TIGD7: variants seen among roughly 807,000 people sequenced by gnomAD.
TIGD7 encodes the protein tigger transposable element derived 7.
In TIGD7, 26 loss-of-function variants were observed where a neutral mutation model predicts 24.8. The ratio of observed to expected loss-of-function variants is 1.05; its 90% CI spans 0.77 to 1.45. TIGD7 has a LOEUF of 1.45. TIGD7 is among the 40% of genes most tolerant of loss of function. The pLI is 0.00. For missense variants in TIGD7, 679 were observed against 641.6 expected, an observed-to-expected ratio of 1.06 and a Z score of -0.63; for synonymous variants, 221 against 224.1, an observed-to-expected ratio of 0.99 and a Z score of 0.12.
Position 3,299,064 on chromosome 16 carries a change from C to G in TIGD7, c.1551G>C (p.Gln517His), listed in dbSNP as rs758127998. Residue 517 changes from glutamine to histidine, a missense_variant, in exon 2 of 2, where the codon CAG (glutamine) becomes CAC (histidine). Transcript: ENST00000396862. ...TACCAATTCTAGAATGGATTTTACT[C>G]TGGAACTGTTTCTTGACTATTTCTT... ...MQQEIVKKQF[Q>H]SKIHSRIGSF... 3.5e-6 allele frequency: 5 copies of G among 1,413,242 alleles called. No individual in the cohort carries two copies. Among genetic ancestry groups the G allele is most frequent in the Non-Finnish European group, 3.7e-6 (4 of 1,080,014 alleles). 87.5% of individuals were successfully genotyped at this position (1,413,242 alleles called of 1,614,324 possible). A position where few individuals can be genotyped will look rare whatever the true frequency, so the allele number is the denominator to read the frequency against.
rs1185785494 is a variant in TIGD7 at position 3,301,489 on chromosome 16, A to G, written c.-875T>C. Reference sequence around the variant, plus strand: ...GTCAGTGGCACTTTACCATTCTCAGATCTTCTTTCTTGGGAACATCTGATT... The same window carrying G: ...GTCAGTGGCACTTTACCATTCTCAGGTCTTCTTTCTTGGGAACATCTGATT... On this transcript the variant is annotated 5_prime_UTR_variant, in exon 2 of 2. Coordinates refer to ENST00000396862, the MANE Select transcript of TIGD7 (RefSeq NM_033208.4). The G allele has an allele frequency of 1.2e-5, 2 of 167,076 alleles. No homozygotes were observed. The highest frequency in any genetic ancestry group is 6.5e-5 in the Admixed American group (1 of 15,290). The allele number at this position is 167,076 out of a possible 1,614,324, so 10.3% of individuals were successfully genotyped here. A position where few individuals can be genotyped will look rare whatever the true frequency, so the allele number is the denominator to read the frequency against.
Position 3,299,353 on chromosome 16 carries a change from C to T in TIGD7, c.1262G>A (p.Arg421Lys). 2 of 1,590,886 alleles carry T rather than the reference C, an allele frequency of 1.3e-6. No individual in the cohort carries two copies. The highest frequency in any genetic ancestry group is 1.7e-6 in the Non-Finnish European group (2 of 1,170,336). ...CTCCCCACATTTTTCAAGAATTTCT[C>T]TATAATCCCCATGTTCTAAGCCTTG... ...DFQGLEHGDYREILEKCGELE... is the reference protein window; with the variant it reads ...DFQGLEHGDYKEILEKCGELE... The change falls in exon 2 of 2, where the codon AGA becomes AAA. Residue 421 changes from arginine to lysine, a missense_variant. Transcript: ENST00000396862.
In TIGD7 at chr16:3,299,403, G is replaced by C. The variant is rs1959865512; in HGVS notation, c.1212C>G (p.Tyr404Ter). 1.9e-6 allele frequency: 3 copies of C among 1,549,668 alleles called. No individual in the cohort carries two copies. The highest frequency in any genetic ancestry group is 2.6e-6 in the Non-Finnish European group (3 of 1,149,576). The change falls in exon 2 of 2, where the codon TAC becomes TAG. Residue 404 changes from tyrosine (Y) to a stop codon, truncating the protein, a stop_gained. Transcript: ENST00000396862. LOFTEE classifies it low-confidence loss of function (END_TRUNC). ...GAAAATCATATTCAGGTTCCTTTTTGTAAAGAAGATTTTCCCATGCATTTG... is the reference window on the plus strand; with the variant it reads ...GAAAATCATATTCAGGTTCCTTTTTCTAAAGAAGATTTTCCCATGCATTTG... ...TIANAWENLL[Y>*]KKEPEYDFQG...
chr16:3,300,637 C>T lies in TIGD7; in HGVS notation c.-23G>A. 1 of 1,527,130 alleles carries T rather than the reference C, an allele frequency of 6.5e-7. No individual in the cohort carries two copies. The highest frequency in any genetic ancestry group is 8.8e-7 in the Non-Finnish European group (1 of 1,141,454). 94.6% of individuals were successfully genotyped at this position (1,527,130 alleles called of 1,614,324 possible). On this transcript the variant is annotated 5_prime_UTR_variant, in exon 2 of 2. Transcript: ENST00000396862. Reference sequence around the variant, plus strand: ...CATACTGAATTTAACTCTGAACCACCAACAGGAGAAAACAAAGGGAAAAGC... The same window carrying T: ...CATACTGAATTTAACTCTGAACCACTAACAGGAGAAAACAAAGGGAAAAGC...
rs1959859885 is a variant in TIGD7, at chr16:3,299,266, A to G, written c.1349T>C (p.Leu450Pro). The G allele has an allele frequency of 1.2e-6, 2 of 1,611,138 alleles. No homozygotes were observed. Reference protein sequence around the residue: ...WLNGDEEKGCLLKTKGGITKE... With the variant: ...WLNGDEEKGCPLKTKGGITKE... ...TGTTATTCCACCTTTGGTTTTTAGG[A>G]GACAACCCTTTTCTTCATCTCCATT... The change falls in exon 2 of 2, where the codon CTC (leucine) becomes CCC (proline). Residue 450 changes from leucine to proline, a missense_variant. Physicochemically the swap from Leu to Pro is moderately conservative, Grantham distance 98. Coordinates refer to ENST00000396862, the MANE Select transcript of TIGD7 (RefSeq NM_033208.4).
chr16:3,299,597 G>T lies in TIGD7; in HGVS notation c.1018C>A (p.Arg340=). Residue 340 remains arginine (R), a synonymous_variant, in exon 2 of 2, where the codon CGG becomes AGG. Transcript: ENST00000396862. ...TCAAGTTGCTTCCATCTATACAGCC[G>T]TTTGCAGCTCAAGATCACACCTTGA... ...MNQGVILSCK[R]LYRWKQLEES... The T allele has an allele frequency of 6.4e-7, 1 of 1,556,404 alleles. No homozygotes were observed. The highest frequency in any genetic ancestry group is 1.2e-5 in the South Asian group (1 of 80,830).
chr16:3,304,315 C>T (rs1410279561), intron 1 of TIGD7, among the ~76,000 whole-genome samples: 1 of 152,188 alleles, frequency 6.6e-6, no homozygotes, highest in Non-Finnish European at 1.5e-5. Flanking sequence ...TTACTCCTAC[C>T]CTTCCCTCTG....
chr16:3,300,526 C>G lies in TIGD7; in HGVS notation c.89G>C (p.Ser30Thr), dbSNP rs1959909947. Residue 30 changes from serine (S) to threonine (T), a missense_variant, in exon 2 of 2, where the codon AGT becomes ACT. Coordinates refer to ENST00000396862, the MANE Select transcript of TIGD7 (RefSeq NM_033208.4). Reference sequence around the variant, plus strand: ...ACTGATTCCAAATTCATCCATTACACTTTTAAGTGATCGTCCAGCTTCAAT... The same window carrying G: ...ACTGATTCCAAATTCATCCATTACAGTTTTAAGTGATCGTCCAGCTTCAAT... ...SRIEAGRSLK[S>T]VMDEFGISKS... 2 of 1,613,838 alleles carry G rather than the reference C, an allele frequency of 1.2e-6. No individual in the cohort carries two copies. Among genetic ancestry groups the G allele is most frequent in the East Asian group, 4.5e-5 (2 of 44,890 alleles).
chr16:3,300,687 C>G lies in TIGD7; in HGVS notation c.-73G>C. 6.6e-7 allele frequency: 1 copy of G among 1,507,670 alleles called. No individual in the cohort carries two copies. Among genetic ancestry groups the G allele is most frequent in the Non-Finnish European group, 8.8e-7 (1 of 1,132,572 alleles). 93.4% of individuals were successfully genotyped at this position (1,507,670 alleles called of 1,614,324 possible). On this transcript the variant is annotated 5_prime_UTR_variant, in exon 2 of 2. Coordinates refer to ENST00000396862, the MANE Select transcript of TIGD7 (RefSeq NM_033208.4). ...CCTTAATGAATTGGCAAAAAAAAAA[C>G]CCACATTTTTTAAACAAAACTTAGC...
intron 1 of TIGD7, among the ~76,000 whole-genome samples, chr16:3,304,245 CCAA>C (rs2150782537): frequency 6.6e-6 from 1 of 152,276 alleles, no homozygotes; most frequent in Admixed American, 6.5e-5. Context: ...TAAATGCAGC[CCAA>C]CTCAGTAAAA....
chr16:3,302,534 G>A (rs572025278), intron 1 of TIGD7, among the ~76,000 whole-genome samples: 5 of 152,310 alleles, frequency 3.3e-5, no homozygotes, highest in African/African-American at 1.2e-4. Flanking sequence ...AGAGCATGGA[G>A]AAGATTACAA....
intron 1 of TIGD7, among the ~76,000 whole-genome samples, chr16:3,302,408 G>A (rs1002658128): frequency 6.6e-6 from 1 of 152,128 alleles, no homozygotes; most frequent in African/African-American, 2.4e-5. Context: ...TTACAGGCGT[G>A]AGCCACCACA....
rs1309674903 is a variant in TIGD7 at position 3,300,901 on chromosome 16, CTCTTT to C, written c.-292_-288del. 55 of 305,788 alleles carry C rather than the reference CTCTTT, an allele frequency of 1.8e-4. 1 individual carries two copies. The highest frequency in any genetic ancestry group is 4.2e-4 in the Admixed American group (9 of 21,258). 18.9% of individuals were successfully genotyped at this position (305,788 alleles called of 1,614,324 possible). On this transcript the variant is annotated 5_prime_UTR_variant, in exon 2 of 2. It removes the in-frame stop codon of an upstream open reading frame in the 5' UTR. Coordinates refer to ENST00000396862, the MANE Select transcript of TIGD7 (RefSeq NM_033208.4). ...TTTCAGAATGCCCCCTACCTCTCCTCTCTTTTGACAGATACAACAGCCTCAGTCAG... is the reference window on the plus strand; with the variant it reads ...TTTCAGAATGCCCCCTACCTCTCCTCTGACAGATACAACAGCCTCAGTCAG...
In TIGD7 at chr16:3,299,193, T is replaced by C. The variant is rs1959856867; in HGVS notation, c.1422A>G (p.Glu474=). Residue 474 remains glutamate, a synonymous_variant, in exon 2 of 2, where the codon GAA becomes GAG. Transcript: ENST00000396862. ...KGGEAEKQTA[E]FKLSAVRESL... is the part of the protein sequence containing the mutation. ...TCTCTCTTACAGCAGATAATTTAAA[T>C]TCAGCAGTCTGCTTCTCAGCTTCTC... 1 of 1,597,072 alleles carries C rather than the reference T, an allele frequency of 6.3e-7. No individual in the cohort carries two copies. The highest frequency in any genetic ancestry group is 1.1e-5 in the South Asian group (1 of 87,564).
At position 3,300,406 on chromosome 16, in the gene TIGD7, T is replaced by C. The variant is rs1040808050; in HGVS notation, c.209A>G (p.Lys70Arg). 2.5e-6 allele frequency: 4 copies of C among 1,614,222 alleles called. No homozygotes were observed. The highest frequency in any genetic ancestry group is 2.2e-5 in the South Asian group (2 of 91,078). ...ACCATATTTGGCTCCCGTTGTCCTC[T>C]TTCTCTTCTCAGCCCCTACTAATGG... Reference protein sequence around the residue: ...DMPLVGAEKRKRTTGAKYGDV... With the variant: ...DMPLVGAEKRRRTTGAKYGDV... Residue 70 changes from lysine to arginine, a missense_variant, in exon 2 of 2, where the codon AAG becomes AGG. Coordinates refer to ENST00000396862, the MANE Select transcript of TIGD7 (RefSeq NM_033208.4).
In TIGD7 at chr16:3,300,475, T is replaced by C. The variant is rs1959908231; in HGVS notation, c.140A>G (p.Lys47Arg). The change falls in exon 2 of 2, where the codon AAA becomes AGA. Residue 47 changes from lysine (K) to arginine (R), a missense_variant. Physicochemically the swap from Lys to Arg is conservative, Grantham distance 26 (BLOSUM62 2). Transcript: ENST00000396862. Reference sequence around the variant, plus strand: ...AAAGTCCAGAATTAACTTCTTATTTTTTTTAATGTCATAAAATGTTGACTT... The same window carrying C: ...AAAGTCCAGAATTAACTTCTTATTTCTTTTAATGTCATAAAATGTTGACTT... ...ISKSTFYDIK[K>R]NKKLILDFVL... 1 of 1,614,072 alleles carries C rather than the reference T, an allele frequency of 6.2e-7. No individual in the cohort carries two copies. The highest frequency in any genetic ancestry group is 8.5e-7 in the Non-Finnish European group (1 of 1,180,040).
chr16:3,300,785 T>C lies in TIGD7; in HGVS notation c.-171A>G. ...AAGGGGCTAACCATGACTGAAGAGC[T>C]AGTCTAGAGGTGGAGGTCTTATGCA... On this transcript the variant is annotated 5_prime_UTR_variant, in exon 2 of 2. An upstream open reading frame in the 5' UTR loses its in-frame stop. Transcript: ENST00000396862. The C allele has an allele frequency of 8.4e-7, 1 of 1,195,848 alleles. No individual in the cohort carries two copies. The highest frequency in any genetic ancestry group is 1.1e-6 in the Non-Finnish European group (1 of 885,778). 74.1% of individuals were successfully genotyped at this position (1,195,848 alleles called of 1,614,324 possible).
Position 3,299,820 on chromosome 16 carries a change from C to A in TIGD7, c.795G>T (p.Trp265Cys), listed in dbSNP as rs1161528909. The A allele has an allele frequency of 6.3e-7, 1 of 1,588,790 alleles. No individual in the cohort carries two copies. The highest frequency in any genetic ancestry group is 8.5e-7 in the Non-Finnish European group (1 of 1,170,788). ...CCTCAGGAACAAAGTTTTGAAAAAACCATTCTGAAAACAATTCTCTGGTGA... is the reference window on the plus strand; with the variant it reads ...CCTCAGGAACAAAGTTTTGAAAAAAACATTCTGAAAACAATTCTCTGGTGA... Reference protein sequence around the residue: ...VWFTRELFSEWFFQNFVPEVR... With the variant: ...VWFTRELFSECFFQNFVPEVR... The change falls in exon 2 of 2, where the codon TGG becomes TGT. Residue 265 changes from tryptophan to cysteine, a missense_variant. Coordinates refer to ENST00000396862, the MANE Select transcript of TIGD7 (RefSeq NM_033208.4).
rs189163962 is a variant in TIGD7 at position 3,300,762 on chromosome 16, G to A, written c.-148C>T. 9.6e-6 allele frequency: 13 copies of A among 1,358,976 alleles called. No individual in the cohort carries two copies. In the Admixed American group the frequency reaches 1.8e-4, roughly 19 times the overall value. 84.2% of individuals were successfully genotyped at this position (1,358,976 alleles called of 1,614,324 possible). A position where few individuals can be genotyped will look rare whatever the true frequency, so the allele number is the denominator to read the frequency against. On this transcript the variant is annotated 5_prime_UTR_variant, in exon 2 of 2. Coordinates refer to ENST00000396862, the MANE Select transcript of TIGD7 (RefSeq NM_033208.4). The stretch of plus-strand genomic sequence containing the variant: ...TTGTATTGGAGGATAATGGACTGAA[G>A]GGGCTAACCATGACTGAAGAGCTAG...
Sources: allele counts gnomAD v4.1 joint callset (sites outside exome capture counted in the v4.1 genomes callset), GRCh38; gene constraint gnomAD v4.1.1; transcripts MANE v1.5; gene names NCBI Gene and HGNC (gene_info 2026-07-23, HGNC 2026-07-21).